Variants in FGF14 observed in about 807,000 individuals in gnomAD.
FGF14 encodes fibroblast growth factor homologous factor 4.
Under a neutral mutation model 25.5 loss-of-function variants are expected in FGF14, and 5 were observed. That is an observed-to-expected ratio of 0.20 (90% CI 0.10 to 0.41). The LOEUF is 0.41. Among genes scored for constraint, FGF14 ranks in the 10% least tolerant of loss-of-function variants. The pLI is 1.00. For missense variants in FGF14, 222 were observed against 320.1 expected, an observed-to-expected ratio of 0.69 and a Z score of 2.34; for synonymous variants, 138 against 118.3, an observed-to-expected ratio of 1.17 and a Z score of -1.08.
intron 1 of FGF14, among the ~76,000 whole-genome samples, chr13:102,323,158 T>C (rs1304997417): frequency 6.6e-6 from 1 of 152,188 alleles, no homozygotes; most frequent in Non-Finnish European, 1.5e-5. Flanking sequence ...TATAAATTAT[T>C]GTTAATCTGT....
upstream of FGF14, among the ~76,000 whole-genome samples, chr13:101,918,426 G>A (rs201610997): frequency 6.6e-6 from 1 of 152,212 alleles, no homozygotes; most frequent in Non-Finnish European, 1.5e-5. Context: ...TGAAGCAAGG[G>A]GGAGAGATGG....
chr13:101,801,940 G>C (rs2040896306), intron 3 of FGF14: 2 of 465,138 alleles, frequency 4.3e-6, no homozygotes, highest in Admixed American at 4.5e-5. Flanking sequence ...TCTTTGTGCA[G>C]ATGTGCAGAG....
intron 1 of FGF14, among the ~76,000 whole-genome samples, chr13:102,371,961 A>G (rs1044962131): frequency 2.0e-5 from 3 of 152,190 alleles, no homozygotes; most frequent in Non-Finnish European, 2.9e-5. Context: ...TTAAGTATGT[A>G]GTTGGAAGAT....
intron 1 of FGF14, among the ~76,000 whole-genome samples, chr13:102,039,793 C>T (rs1312800907): frequency 1.3e-5 from 2 of 152,080 alleles, no homozygotes; most frequent in Non-Finnish European, 2.9e-5. Context: ...ATCTTATCCG[C>T]TGAAAAGAAG....
At chr13:101,738,342 G>T (rs1315482074) in intron 3 of FGF14, among the ~76,000 whole-genome samples, 2 of 152,062 alleles carry the variant, frequency 1.3e-5, no homozygotes. Context: ...CATCTTACTG[G>T]GATATGAGGA....
intron 1 of FGF14, among the ~76,000 whole-genome samples, chr13:102,143,809 G>T (rs1381155998): frequency 6.6e-6 from 1 of 152,142 alleles, no homozygotes; most frequent in Non-Finnish European, 1.5e-5. Context: ...TTTTGGTGGA[G>T]TGGATCTTCC....
At chr13:102,365,292 A>G (rs2057678269) in intron 1 of FGF14, among the ~76,000 whole-genome samples, 1 of 152,112 alleles carries the variant, frequency 6.6e-6, no homozygotes, top group African/African-American at 2.4e-5. Context: ...CTAGAGGGCC[A>G]TGCCTGGACA....
chr13:102,348,795 G>A (rs1018153185), intron 1 of FGF14, among the ~76,000 whole-genome samples: 1 of 152,208 alleles, frequency 6.6e-6, no homozygotes, highest in Non-Finnish European at 1.5e-5. Flanking sequence ...AATTTAGCCG[G>A]GTGTTGGGTT....
chr13:101,920,527 A>C (rs1409713529), upstream of FGF14, among the ~76,000 whole-genome samples: 1 of 152,204 alleles, frequency 6.6e-6, no homozygotes, highest in Non-Finnish European at 1.5e-5. Flanking sequence ...AGATCCTAGT[A>C]CCACATCTGG....
chr13:102,169,089 C>T (rs903349640), intron 1 of FGF14, among the ~76,000 whole-genome samples: 8 of 151,304 alleles, frequency 5.3e-5, no homozygotes, highest in Non-Finnish European at 1.5e-5. Flanking sequence ...CAGATCCTAC[C>T]TTAGGATATA....
Position 102,099,843 on chromosome 13 carries a change from T to G in FGF14, c.209-224547A>C, listed in dbSNP as rs868722277. ...ATAATGACTATGATATATAGTTAGG[T>G]TTAGTAGGGCCCTAGCAATGGGATA... On this transcript the variant is annotated intron_variant, in intron 1 of 4. Coordinates refer to the FGF14 transcript ENST00000376131. 1.8e-4 allele frequency among the ~76,000 whole-genome samples: 28 copies of G among 152,202 alleles called. No homozygotes were observed. In the Middle Eastern group the frequency reaches 0.024, roughly 129 times the overall value.
chr13:102,122,639 G>T (rs2045779011), intron 1 of FGF14, among the ~76,000 whole-genome samples: 1 of 152,020 alleles, frequency 6.6e-6, no homozygotes, highest in Admixed American at 6.6e-5. Flanking sequence ...TAAGCATTTT[G>T]ATTTTAATAG....
At chr13:102,064,474 A>G (rs1017947324) in intron 1 of FGF14, among the ~76,000 whole-genome samples, 2 of 152,084 alleles carry the variant, frequency 1.3e-5, no homozygotes, top group African/African-American at 4.8e-5. Flanking sequence ...CAGTTTTTAA[A>G]AAGAAAATTG....
At chr13:101,936,501 G>A (rs1359704662) in intron 1 of FGF14, among the ~76,000 whole-genome samples, 1 of 152,176 alleles carries the variant, frequency 6.6e-6, no homozygotes, top group Non-Finnish European at 1.5e-5. Flanking sequence ...TGAGAGGCAG[G>A]TGACTGTGGA....
At chr13:102,378,049 C>A (rs576624367) in intron 1 of FGF14, among the ~76,000 whole-genome samples, 6 of 152,298 alleles carry the variant, frequency 3.9e-5, no homozygotes, top group African/African-American at 1.2e-4. Context: ...TGTCTACCTT[C>A]AAGCTTAACT....
intron 1 of FGF14, among the ~76,000 whole-genome samples, chr13:102,388,886 G>A (rs2058368407): frequency 6.6e-6 from 1 of 151,980 alleles, no homozygotes; most frequent in Admixed American, 6.6e-5. Flanking sequence ...TCCTCTACAA[G>A]GCTTTTGGAC....
chr13:102,036,941 C>T (rs2041505086), intron 1 of FGF14, among the ~76,000 whole-genome samples: 1 of 152,112 alleles, frequency 6.6e-6, no homozygotes, highest in Non-Finnish European at 1.5e-5. Context: ...TTGGCAATCA[C>T]AAATCTGAAA....
intron 1 of FGF14, among the ~76,000 whole-genome samples, chr13:101,911,129 C>G (rs910454529): frequency 6.6e-6 from 1 of 151,990 alleles, no homozygotes; most frequent in African/African-American, 2.4e-5. Flanking sequence ...GAAGACGTAA[C>G]TTTACACCAA....
intron 1 of FGF14, among the ~76,000 whole-genome samples, chr13:101,882,015 C>T (rs1390931787): frequency 6.6e-6 from 1 of 152,082 alleles, no homozygotes; most frequent in African/African-American, 2.4e-5. Context: ...ATGCTATTGT[C>T]ATCTAAAGAG....
Sources: allele counts gnomAD v4.1 joint callset (sites outside exome capture counted in the v4.1 genomes callset), GRCh38; gene constraint gnomAD v4.1.1; transcripts MANE v1.5; gene names NCBI Gene and HGNC (gene_info 2026-07-23, HGNC 2026-07-21).